The following PITPNB variants were observed in gnomAD, a reference collection of about 807,000 sequenced individuals.
PITPNB encodes phosphatidylinositol transfer protein beta.
Under a neutral mutation model 45.9 loss-of-function variants are expected in PITPNB, and 16 were observed. That is an observed-to-expected ratio of 0.35 (90% CI 0.24 to 0.53). PITPNB has a LOEUF of 0.53. PITPNB is among the 20% of genes least tolerant of loss of function. PITPNB has a pLI of 0.93. For synonymous variants in PITPNB, 112 were observed against 108.9 expected (o/e 1.03, Z -0.18); for missense variants, 188 against 330.5 (o/e 0.57, Z 3.34).
chr22:27,872,146 T>G (rs1018797656), intron 8 of PITPNB, among the ~76,000 whole-genome samples: 1 of 127,054 alleles, frequency 7.9e-6, no homozygotes, highest in Non-Finnish European at 1.6e-5. Context: ...CAGGTTGGAG[T>G]GCAATGGTGC....
intron 3 of PITPNB, among the ~76,000 whole-genome samples, chr22:27,906,560 T>C (rs1355249540): frequency 4.6e-5 from 7 of 152,184 alleles, no homozygotes; most frequent in Non-Finnish European, 8.8e-5. Context: ...CTATCTCTGC[T>C]ACCAAATAGC....
intron 8 of PITPNB, among the ~76,000 whole-genome samples, chr22:27,865,753 G>A (rs1569007385): frequency 6.6e-6 from 1 of 152,122 alleles, no homozygotes; most frequent in Non-Finnish European, 1.5e-5. Context: ...TTGGGTATGG[G>A]CAGGGGAGGG....
intron 8 of PITPNB, chr22:27,860,711 G>A (rs1032024019): frequency 6.5e-6 from 1 of 153,226 alleles, no homozygotes; most frequent in African/African-American, 2.4e-5. Flanking sequence ...TTCAATAGAA[G>A]GGAGATATGA....
At chr22:27,880,434 C>G (rs999030411) in intron 7 of PITPNB, among the ~76,000 whole-genome samples, 8 of 152,166 alleles carry the variant, frequency 5.3e-5, no homozygotes, top group African/African-American at 1.9e-4. Flanking sequence ...TGCTCAAAAA[C>G]ATTTTCTGAC....
At chr22:27,882,915 CACAAA>C (rs1935015549) in intron 7 of PITPNB, among the ~76,000 whole-genome samples, 1 of 152,218 alleles carries the variant, frequency 6.6e-6, no homozygotes, top group Non-Finnish European at 1.5e-5. Flanking sequence ...TCCACAGTAA[CACAAA>C]ACAAACAGTA....
At chr22:27,876,421 C>T (rs945693056) in intron 7 of PITPNB, among the ~76,000 whole-genome samples, 6 of 152,124 alleles carry the variant, frequency 3.9e-5, no homozygotes, top group African/African-American at 1.4e-4. Context: ...ATATTGAAAA[C>T]GTAACAAAAC....
rs189519073 is a variant in PITPNB at position 27,912,279 on chromosome 22, C to T, written c.52-1170G>A. The stretch of plus-strand genomic sequence containing the variant: ...TTAAAAACACACCCACACACACACT[C>T]TTACTCAATTTGGAAGTGTTTGGGA... On this transcript the variant is annotated intron_variant, in intron 2 of 11. Coordinates refer to ENST00000335272, the MANE Select transcript of PITPNB (RefSeq NM_012399.5). 4.3e-4 allele frequency among the ~76,000 whole-genome samples: 65 copies of T among 152,290 alleles called. No individual in the cohort carries two copies. In the East Asian group the frequency reaches 0.011, roughly 25 times the overall value.
chr22:27,860,174 T>A lies in PITPNB; in HGVS notation c.602A>T (p.Lys201Met). The A allele has an allele frequency of 6.2e-7, 1 of 1,613,826 alleles. No homozygotes were observed. Among genetic ancestry groups the A allele is most frequent in the Non-Finnish European group, 8.5e-7 (1 of 1,179,738 alleles). ...CAYKLVTIKFKWWGLQSKVEN... is the reference protein window; with the variant it reads ...CAYKLVTIKFMWWGLQSKVEN... ...TACTTTGCTTTGCAGTCCCCACCAC[T>A]TGAATTTGATGGTCACCAGCTTATA... The change falls in exon 9 of 12, where the codon AAG becomes ATG. Residue 201 changes from lysine to methionine, a missense_variant. Transcript: ENST00000335272.
chr22:27,857,727 G>A (rs1034597537), intron 10 of PITPNB, among the ~76,000 whole-genome samples: 3 of 152,178 alleles, frequency 2.0e-5, no homozygotes, highest in South Asian at 2.1e-4. Flanking sequence ...CATGCAAGAG[G>A]AAGCCAGGGA....
In PITPNB at chr22:27,919,192, C is replaced by A. The variant is rs757220408; in HGVS notation, c.-1G>T. 1.2e-6 allele frequency: 2 copies of A among 1,613,762 alleles called. No homozygotes were observed. Among genetic ancestry groups the A allele is most frequent in the Admixed American group, 3.3e-5 (2 of 60,028 alleles). ...CTCACAATTCCTTGATCAGCACCAT[C>A]TTCCCGGAACCCCCTCACAGCTGCC... On this transcript the variant is annotated 5_prime_UTR_variant, in exon 1 of 12. Coordinates refer to ENST00000335272, the MANE Select transcript of PITPNB (RefSeq NM_012399.5).
chr22:27,906,127 T>C (rs1444051458), intron 3 of PITPNB, among the ~76,000 whole-genome samples: 1 of 152,194 alleles, frequency 6.6e-6, no homozygotes, highest in East Asian at 1.9e-4. Context: ...AGCCATGGAA[T>C]GCCTCTGCAT....
intron 2 of PITPNB, among the ~76,000 whole-genome samples, 191 bp downstream of exon 2, chr22:27,914,126 G>A (rs1385739986): frequency 3.9e-5 from 6 of 152,182 alleles, no homozygotes; most frequent in African/African-American, 1.4e-4. Flanking sequence ...ACAAGGCAGT[G>A]TAGCAAGAAA....
At chr22:27,887,493 T>G (rs1349139795) in intron 7 of PITPNB, among the ~76,000 whole-genome samples, 1 of 152,094 alleles carries the variant, frequency 6.6e-6, no homozygotes, top group African/African-American at 2.4e-5. Flanking sequence ...AGCTGTCCTC[T>G]GGTCCCCGGA....
At chr22:27,879,137 G>A (rs1481456244) in intron 7 of PITPNB, among the ~76,000 whole-genome samples, 3 of 152,104 alleles carry the variant, frequency 2.0e-5, no homozygotes, top group Non-Finnish European at 4.4e-5. Flanking sequence ...TGCTAGGCTA[G>A]AGCACAACTA....
intron 6 of PITPNB, among the ~76,000 whole-genome samples, chr22:27,895,527 T>G (rs890208701): frequency 2.0e-5 from 3 of 151,516 alleles, no homozygotes; most frequent in African/African-American, 7.3e-5. Context: ...GAGGCAGAGG[T>G]TGCACTGAGC....
Position 27,853,727 on chromosome 22 carries a change from C to T in PITPNB, c.*39-64G>A, listed in dbSNP as rs1934091875. ...ATACAGAGACAGGAAATGTTAGCAG[C>T]TCGTCACACACACTCTCCAAATGCA... is the stretch of plus-strand genomic sequence containing the variant. On this transcript the variant is annotated intron_variant, in intron 11 of 11. Transcript: ENST00000335272. 7 of 1,106,778 alleles carry T rather than the reference C, an allele frequency of 6.3e-6. No individual in the cohort carries two copies. The South Asian group carries it at 9.3e-5, about 15-fold the overall frequency. 68.6% of individuals were successfully genotyped at this position (1,106,778 alleles called of 1,614,324 possible).
chr22:27,867,919 G>A (rs1357244336), intron 8 of PITPNB, among the ~76,000 whole-genome samples: 1 of 151,878 alleles, frequency 6.6e-6, no homozygotes, highest in African/African-American at 2.4e-5. Context: ...TCTTCTGTAG[G>A]AGTTAATATA....
intron 1 of PITPNB, among the ~76,000 whole-genome samples, chr22:27,918,211 A>T (rs1936143151): frequency 6.6e-6 from 1 of 152,218 alleles, no homozygotes; most frequent in Non-Finnish European, 1.5e-5. Context: ...GAAGTGCATC[A>T]GTGACTTTTT....
At chr22:27,874,858 T>C (rs1361698247) in intron 7 of PITPNB, among the ~76,000 whole-genome samples, 2 of 152,140 alleles carry the variant, frequency 1.3e-5, no homozygotes, top group Non-Finnish European at 2.9e-5. Flanking sequence ...ACCCCATACT[T>C]AGTGAAAAAT....
Sources: allele counts gnomAD v4.1 joint callset (sites outside exome capture counted in the v4.1 genomes callset), GRCh38; gene constraint gnomAD v4.1.1; transcripts MANE v1.5; gene names NCBI Gene and HGNC (gene_info 2026-07-23, HGNC 2026-07-21).